The following CNTN5 variants were observed in gnomAD, a reference collection of about 807,000 sequenced individuals.
CNTN5 encodes the protein contactin-5.
In CNTN5, 77 loss-of-function variants were observed where a neutral mutation model predicts 129.1. The observed-to-expected ratio is 0.60, with a 90% confidence interval of 0.50 to 0.72. CNTN5 has a LOEUF of 0.72. CNTN5 is among the 30% of genes least tolerant of loss of function. The probability of loss-of-function intolerance (pLI) is 0.00; values close to 1 mark genes in which losing one functional copy is unlikely to be tolerated. For synonymous variants in CNTN5, 509 were observed against 465.6 expected (o/e 1.09, Z -1.20); for missense variants, 1,478 against 1,328.8 (o/e 1.11, Z -1.75).
chr11:99,902,439 C>T (rs10501929), intron 6 of CNTN5, among the ~76,000 whole-genome samples: 13,184 of 151,962 alleles, frequency 0.087, 1,245 homozygotes, highest in African/African-American at 0.23. Context: ...ATTTGGGATG[C>T]CCTTCAGTAA....
In CNTN5 at chr11:100,168,201, G is replaced by A. The variant is rs561745763; in HGVS notation, c.1581-22925G>A. Among the ~76,000 whole-genome samples, 15 of 152,076 alleles carry A rather than the reference G, an allele frequency of 9.9e-5. No homozygotes were observed. In the East Asian group the frequency reaches 2.7e-3, roughly 28 times the overall value. ...TGAGCCAGCAAGTGCTGACGTAGAAGCTGCAGCAAGTTACCCAGAAGATAT... is the reference window on the plus strand; with the variant it reads ...TGAGCCAGCAAGTGCTGACGTAGAAACTGCAGCAAGTTACCCAGAAGATAT... On this transcript the variant is annotated intron_variant, in intron 13 of 24. Coordinates refer to ENST00000524871, the MANE Select transcript of CNTN5 (RefSeq NM_014361.4).
intron 9 of CNTN5, among the ~76,000 whole-genome samples, chr11:100,019,400 A>G (rs1941006841): frequency 6.6e-6 from 1 of 151,896 alleles, no homozygotes; most frequent in African/African-American, 2.4e-5. Context: ...CACTTATATG[A>G]GTTTGACATT....
At position 99,583,385 on chromosome 11, in the gene CNTN5, C is replaced by T. The variant is rs1949681731; in HGVS notation, c.55+27116C>T. Among the ~76,000 whole-genome samples the T allele has an allele frequency of 7.2e-5, 11 of 152,334 alleles. No individual in the cohort carries two copies. In the South Asian group the frequency reaches 2.3e-3, roughly 32 times the overall value. On this transcript the variant is annotated intron_variant, in intron 3 of 24. Transcript: ENST00000524871. ...GGGACATTTAAGTCTGCAGAGGTTA[C>T]TGCTGTCTTTTTGTTTGTCTGTGCC...
chr11:100,234,862 C>T (rs941196176), intron 16 of CNTN5, among the ~76,000 whole-genome samples: 9 of 149,292 alleles, frequency 6.0e-5, no homozygotes, highest in Admixed American at 5.3e-4. Context: ...GAAAACTGAG[C>T]ACCGATAGAC....
chr11:99,266,631 T>C (rs1862910136), intron 1 of CNTN5, among the ~76,000 whole-genome samples: 1 of 151,836 alleles, frequency 6.6e-6, no homozygotes, highest in African/African-American at 2.4e-5. Context: ...ATAAAGCATA[T>C]GGGAGGAAGC....
intron 9 of CNTN5, among the ~76,000 whole-genome samples, chr11:100,027,678 T>C (rs1228091382): frequency 6.6e-6 from 1 of 152,226 alleles, no homozygotes; most frequent in Non-Finnish European, 1.5e-5. Flanking sequence ...CTGTGAATTC[T>C]AGTTGCTTTA....
intron 1 of CNTN5, among the ~76,000 whole-genome samples, chr11:99,140,584 A>T (rs993403783): frequency 1.3e-5 from 2 of 152,002 alleles, no homozygotes; most frequent in African/African-American, 4.8e-5. Flanking sequence ...TCTCAAGGGG[A>T]ATGCTTCCAG....
intron 17 of CNTN5, among the ~76,000 whole-genome samples, chr11:100,260,892 AG>A (rs1950181469): frequency 6.6e-6 from 1 of 152,168 alleles, no homozygotes; most frequent in African/African-American, 2.4e-5. Flanking sequence ...GCACAAGACA[AG>A]GATGCCCTCC....
At chr11:99,958,471 C>G (rs1444900977) in intron 8 of CNTN5, among the ~76,000 whole-genome samples, 1 of 152,148 alleles carries the variant, frequency 6.6e-6, no homozygotes, top group Non-Finnish European at 1.5e-5. Context: ...ATATGAGATA[C>G]AGGGTACATG....
intron 1 of CNTN5, among the ~76,000 whole-genome samples, chr11:99,128,226 T>C (rs1858745382): frequency 6.6e-6 from 1 of 151,712 alleles, no homozygotes; most frequent in African/African-American, 2.4e-5. Context: ...CAGCCTGGAG[T>C]CTGCCTAAGA....
At chr11:99,320,198 C>T (rs558844906) in intron 1 of CNTN5, among the ~76,000 whole-genome samples, 2 of 152,250 alleles carry the variant, frequency 1.3e-5, no homozygotes, top group African/African-American at 4.8e-5. Context: ...GCTGAGATTA[C>T]ACCACTGCAC....
intron 8 of CNTN5, among the ~76,000 whole-genome samples, chr11:99,966,732 C>G (rs1215362565): frequency 6.6e-6 from 1 of 152,196 alleles, no homozygotes; most frequent in Admixed American, 6.5e-5. Flanking sequence ...ATCATTTTCA[C>G]AGCCCTAGCA....
chr11:99,087,684 C>T (rs1222037099), intron 1 of CNTN5, among the ~76,000 whole-genome samples: 4 of 152,096 alleles, frequency 2.6e-5, no homozygotes, highest in Admixed American at 2.6e-4. Context: ...AATGTGGTAC[C>T]CTGTACAAAG....
At chr11:100,191,313 A>G (rs1948484803) in intron 14 of CNTN5, 60 bp downstream of exon 14, 1 of 1,432,062 alleles carries the variant, frequency 7.0e-7, no homozygotes, top group Non-Finnish European at 9.5e-7. Flanking sequence ...CGGAAAGAGA[A>G]TAAATATAAT....
intron 1 of CNTN5, among the ~76,000 whole-genome samples, chr11:99,207,645 T>C (rs1313624274): frequency 1.3e-5 from 2 of 152,194 alleles, no homozygotes; most frequent in Admixed American, 6.6e-5. Context: ...TGATAACGAA[T>C]ACTCTGAAGT....
intron 2 of CNTN5, among the ~76,000 whole-genome samples, chr11:99,371,088 C>CTAT (rs1565528365): frequency 6.6e-6 from 1 of 152,050 alleles, no homozygotes; most frequent in Non-Finnish European, 1.5e-5. Flanking sequence ...TCTATTTTTG[C>CTAT]TCATTTGTTT....
intron 1 of CNTN5, among the ~76,000 whole-genome samples, chr11:99,177,107 T>A (rs1857813303): frequency 6.7e-6 from 1 of 149,526 alleles, no homozygotes. Context: ...TGGAACATCT[T>A]ACCATGGATT....
intron 3 of CNTN5, among the ~76,000 whole-genome samples, chr11:99,646,064 T>A (rs1221794046): frequency 6.6e-6 from 1 of 152,214 alleles, no homozygotes; most frequent in Non-Finnish European, 1.5e-5. Context: ...GTGCAGTTAA[T>A]TTGTTTTTGT....
chr11:99,026,682 C>G (rs1207567450), intron 1 of CNTN5, among the ~76,000 whole-genome samples: 1 of 151,634 alleles, frequency 6.6e-6, no homozygotes, highest in Admixed American at 6.6e-5. Context: ...TTTACCTACT[C>G]ATAATAAACA....
Sources: allele counts gnomAD v4.1 joint callset (sites outside exome capture counted in the v4.1 genomes callset), GRCh38; gene constraint gnomAD v4.1.1; transcripts MANE v1.5; gene names NCBI Gene and HGNC (gene_info 2026-07-23, HGNC 2026-07-21).